Variants in ECSIT observed in about 807,000 individuals in gnomAD.
ECSIT encodes the protein evolutionarily conserved signaling intermediate in Toll pathway, mitochondrial.
Under a neutral mutation model 36.8 loss-of-function variants are expected in ECSIT, and 29 were observed. The ratio of observed to expected loss-of-function variants is 0.79; its 90% CI spans 0.59 to 1.08. The LOEUF is 1.08. Ranked by LOEUF, ECSIT falls within the 50% of genes least tolerant of loss-of-function variation. The pLI, the probability that ECSIT is intolerant of heterozygous loss-of-function variation, is 0.00. For synonymous variants in ECSIT, 231 were observed against 234.8 expected (o/e 0.98, Z 0.15); for missense variants, 542 against 581.0 (o/e 0.93, Z 0.69).
At position 11,523,626 on chromosome 19, in the gene ECSIT, G is replaced by A. The variant is rs897769235; in HGVS notation, c.-23-4433C>T. On this transcript the variant is annotated intron_variant, in intron 1 of 7. Coordinates refer to ENST00000270517, the MANE Select transcript of ECSIT (RefSeq NM_016581.5). ...GTGATAAGCCTATGTATGTCAAGCT[G>A]GTGGAGTCCCTTTGTGCTGAGCACC... 4.6e-6 allele frequency: 4 copies of A among 873,348 alleles called. No individual in the cohort carries two copies. In the African/African-American group the frequency reaches 5.0e-5, roughly 11 times the overall value. The allele number at this position is 873,348 out of a possible 1,614,324, so 54.1% of individuals were successfully genotyped here. A position where few individuals can be genotyped will look rare whatever the true frequency, so the allele number is the denominator to read the frequency against.
chr19:11,514,179 C>T lies in ECSIT; in HGVS notation c.139G>A (p.Ala47Thr). The change falls in exon 3 of 8, where the codon GCC (alanine) becomes ACC (threonine). Residue 47 changes from alanine to threonine, a missense_variant. By Grantham distance (58) the Ala-to-Thr change is moderately conservative. Transcript: ENST00000270517. ...ACCAGGGACTGTTCAGAGCTATGGGCAGCTGCGCTGCAGTGGAGGCCCCGA... is the reference window on the plus strand; with the variant it reads ...ACCAGGGACTGTTCAGAGCTATGGGTAGCTGCGCTGCAGTGGAGGCCCCGA... The part of the protein sequence containing the change: ...LPRGLHCSAA[A>T]HSSEQSLVPS... 4 of 1,610,242 alleles carry T rather than the reference C, an allele frequency of 2.5e-6. No homozygotes were observed. The highest frequency in any genetic ancestry group is 3.4e-6 in the Non-Finnish European group (4 of 1,177,646).
chr19:11,508,848 G>A (rs1282013947), intron 4 of ECSIT, among the ~76,000 whole-genome samples: 1 of 151,816 alleles, frequency 6.6e-6, no homozygotes, highest in Non-Finnish European at 1.5e-5. Context: ...ACCTAACTTT[G>A]GGTGGTTGTA....
At position 11,521,504 on chromosome 19, in the gene ECSIT, C is replaced by T. The variant is rs148052863; in HGVS notation, c.-23-2311G>A. Among the ~76,000 whole-genome samples the T allele has an allele frequency of 5.8e-4, 88 of 150,870 alleles. 4 individuals carry two copies. In the East Asian group the frequency reaches 7.9e-3, roughly 14 times the overall value. On this transcript the variant is annotated intron_variant, in intron 1 of 7. Transcript: ENST00000270517. ...AGTTATGGCTGTACGTGGTGGCTAA[C>T]GCCTGTAATCACAGCACTTCGGGAG...
chr19:11,506,072 G>C lies in ECSIT; in HGVS notation c.*112C>G. 4 of 1,495,208 alleles carry C rather than the reference G, an allele frequency of 2.7e-6. No homozygotes were observed. Among genetic ancestry groups the C allele is most frequent in the Non-Finnish European group, 2.7e-6 (3 of 1,114,170 alleles). 92.6% of individuals were successfully genotyped at this position (1,495,208 alleles called of 1,614,324 possible). On this transcript the variant is annotated 3_prime_UTR_variant, in exon 8 of 8. Coordinates refer to ENST00000270517, the MANE Select transcript of ECSIT (RefSeq NM_016581.5). ...GGATGCCATACTGCTAGAGATGAGG[G>C]AAGAGAGCCCCAAGCAGGAAAACAT...
chr19:11,508,382 G>GGTTTTTTTTTTT (rs1418652426), intron 4 of ECSIT, among the ~76,000 whole-genome samples: 2 of 115,816 alleles, frequency 1.7e-5, no homozygotes, highest in African/African-American at 5.8e-5. Context: ...ACTTAATTCC[G>GGTTTTTTTTTTT]ATTTTTTTTT....
rs547153250 is a variant in ECSIT, at chr19:11,515,544, C to A, written c.97-1323G>T. 2.0e-5 allele frequency among the ~76,000 whole-genome samples: 3 copies of A among 151,978 alleles called. No homozygotes were observed. The East Asian group carries it at 5.8e-4, about 30-fold the overall frequency. On this transcript the variant is annotated intron_variant, in intron 2 of 7. Transcript: ENST00000270517. ...TCATCTCAGCTCACTGCAACCTCTG[C>A]CTTGTGGGTTCAAGCGATTCTCCTG...
In ECSIT at chr19:11,507,789, A is replaced by G. The variant is rs914452695; in HGVS notation, c.858T>C (p.Phe286=). 1.6e-5 allele frequency: 26 copies of G among 1,614,014 alleles called. No individual in the cohort carries two copies. The highest frequency in any genetic ancestry group is 1.9e-5 in the Non-Finnish European group (23 of 1,180,056). ...LARHNPARPV[F]VEGPFSLWLR... ...GCCACAGGGAGAAGGGGCCCTCAAC[A>G]AAGACAGGCCGGGCTGGATTGTGGC... Residue 286 remains phenylalanine (F), a synonymous_variant, in exon 6 of 8, where the codon TTT becomes TTC. Transcript: ENST00000270517.
Position 11,505,959 on chromosome 19 carries a change from T to G in ECSIT, c.*225A>C. 1 of 934,480 alleles carries G rather than the reference T, an allele frequency of 1.1e-6. No homozygotes were observed. Among genetic ancestry groups the G allele is most frequent in the Non-Finnish European group, 1.5e-6 (1 of 647,744 alleles). The allele number at this position is 934,480 out of a possible 1,614,324, so 57.9% of individuals were successfully genotyped here. A position where few individuals can be genotyped will look rare whatever the true frequency, so the allele number is the denominator to read the frequency against. On this transcript the variant is annotated 3_prime_UTR_variant, in exon 8 of 8. Coordinates refer to ENST00000270517, the MANE Select transcript of ECSIT (RefSeq NM_016581.5). ...ACAACCAACAGCGCTCCCGCCCCTTTTTATTTGAATTCGGAGAACCAGAGG... is the reference window on the plus strand; with the variant it reads ...ACAACCAACAGCGCTCCCGCCCCTTGTTATTTGAATTCGGAGAACCAGAGG...
intron 2 of ECSIT, among the ~76,000 whole-genome samples, chr19:11,514,484 C>T (rs1971946883): frequency 6.6e-6 from 1 of 151,676 alleles, no homozygotes; most frequent in African/African-American, 2.4e-5. Context: ...GTAATATTCA[C>T]AGTGATGACA....
At chr19:11,509,862 C>G (rs576792631) in intron 4 of ECSIT, among the ~76,000 whole-genome samples, 3 of 151,900 alleles carry the variant, frequency 2.0e-5, no homozygotes, top group African/African-American at 7.2e-5. Flanking sequence ...TAATGCCCTG[C>G]TACTAAAGAA....
chr19:11,524,657 A>G (rs901315756), intron 1 of ECSIT, among the ~76,000 whole-genome samples: 9 of 151,636 alleles, frequency 5.9e-5, no homozygotes, highest in Non-Finnish European at 1.2e-4. Flanking sequence ...AGAAAAAAAA[A>G]AAAGAAAGAA....
intron 2 of ECSIT, among the ~76,000 whole-genome samples, chr19:11,515,526 A>G (rs1477790841): frequency 6.7e-6 from 1 of 150,104 alleles, no homozygotes; most frequent in Non-Finnish European, 1.5e-5. Flanking sequence ...GTGTCATCTC[A>G]GCTCACTGCA....
At chr19:11,515,132 C>A (rs2144982162) in intron 2 of ECSIT, among the ~76,000 whole-genome samples, 1 of 140,318 alleles carries the variant, frequency 7.1e-6, no homozygotes, top group Admixed American at 7.2e-5. Flanking sequence ...GAGACAGAGT[C>A]TCGCTTTGTC....
At chr19:11,511,302 G>A (rs1389538363) in intron 4 of ECSIT, among the ~76,000 whole-genome samples, 1 of 152,188 alleles carries the variant, frequency 6.6e-6, no homozygotes, top group East Asian at 1.9e-4. Context: ...ACTGCCAAGT[G>A]TCAGCTTTGC....
intron 4 of ECSIT, among the ~76,000 whole-genome samples, chr19:11,508,383 A>ATATTTTTTTTTTTTTTTTTTTT (rs1971801668): frequency 8.1e-6 from 1 of 124,052 alleles, no homozygotes; most frequent in Non-Finnish European, 1.6e-5. Flanking sequence ...CTTAATTCCG[A>ATATTTTTTTTTTTTTTTTTTTT]TTTTTTTTTT....
Position 11,512,037 on chromosome 19 carries a change from A to C in ECSIT, c.738+1019T>G, listed in dbSNP as rs375535849. ...CAGAGCGAGACTCCATCTCAAAAAA[A>C]AAACAAACAAACAAAGGTCTGAGGG... On this transcript the variant is annotated intron_variant, in intron 4 of 7. Transcript: ENST00000270517. Among the ~76,000 whole-genome samples the C allele has an allele frequency of 7.3e-3, 1,114 of 151,668 alleles. 6 individuals carry two copies. The highest frequency in any genetic ancestry group is 0.017 in the South Asian group (81 of 4,800).
intron 1 of ECSIT, chr19:11,522,332 A>G (rs771833202): frequency 5.4e-5 from 40 of 735,336 alleles, no homozygotes; most frequent in Non-Finnish European, 8.8e-5. Flanking sequence ...ACCTGGACCC[A>G]TTCCATCCAG....
At chr19:11,506,921 A>G (rs1971756228) in intron 7 of ECSIT, among the ~76,000 whole-genome samples, 1 of 151,592 alleles carries the variant, frequency 6.6e-6, no homozygotes, top group Non-Finnish European at 1.5e-5. Context: ...CCGGGCGATG[A>G]CTCCTGGTTT....
At chr19:11,515,259 A>G (rs1020593725) in intron 2 of ECSIT, among the ~76,000 whole-genome samples, 5 of 151,606 alleles carry the variant, frequency 3.3e-5, no homozygotes, top group African/African-American at 4.9e-5. Flanking sequence ...GCCTGCCACC[A>G]CGCCCAGCTA....
Sources: allele counts gnomAD v4.1 joint callset (sites outside exome capture counted in the v4.1 genomes callset), GRCh38; gene constraint gnomAD v4.1.1; transcripts MANE v1.5; gene names NCBI Gene and HGNC (gene_info 2026-07-23, HGNC 2026-07-21).